Variants in SPRY3 observed in about 807,000 individuals in gnomAD.
The protein encoded by SPRY3 is protein sprouty homolog 3.
A neutral mutation model predicts 20.2 loss-of-function variants in SPRY3; 15 were observed. That is an observed-to-expected ratio of 0.74 (90% confidence interval 0.50 to 1.14). SPRY3 has a LOEUF of 1.14. Ranked by LOEUF, SPRY3 falls within the 50% of genes most tolerant of loss-of-function variation. The probability of loss-of-function intolerance (pLI) is 0.00; values close to 1 mark genes in which losing one functional copy is unlikely to be tolerated. For missense variants in SPRY3, 364 were observed against 363.9 expected, an observed-to-expected ratio of 1.00 and a Z score of 0.00; for synonymous variants, 143 against 136.5, an observed-to-expected ratio of 1.05 and a Z score of -0.33.
At chrX:155,741,574 G>A (rs2091204652) in intron 2 of SPRY3, among the ~76,000 whole-genome samples, 1 of 151,958 alleles carries the variant, frequency 6.6e-6, no homozygotes, top group East Asian at 1.9e-4. Flanking sequence ...AGGTCAAAAT[G>A]AGAGAAAAAA....
intron 3 of SPRY3, among the ~76,000 whole-genome samples, chrX:155,770,811 T>C (rs2091375897): frequency 6.6e-6 from 1 of 152,152 alleles, no homozygotes; most frequent in Admixed American, 6.5e-5. Context: ...TCTTGCCTGT[T>C]CCTTTCTCAA....
intron 2 of SPRY3, among the ~76,000 whole-genome samples, chrX:155,727,210 A>C (rs1204663535): frequency 6.6e-6 from 1 of 152,054 alleles, no homozygotes; most frequent in Admixed American, 6.6e-5. Context: ...GGGTAACCCA[A>C]CCTTTCTCTC....
chrX:155,728,487 G>A (rs372175763), intron 2 of SPRY3, among the ~76,000 whole-genome samples: 14 of 152,252 alleles, frequency 9.2e-5, no homozygotes, highest in African/African-American at 1.4e-4. Flanking sequence ...CTTCCCAGTC[G>A]CTTTGTTTAA....
At chrX:155,714,230 G>T (rs1285131835) in intron 2 of SPRY3, among the ~76,000 whole-genome samples, 1 of 152,080 alleles carries the variant, frequency 6.6e-6, no homozygotes, top group African/African-American at 2.4e-5. Context: ...ATGAGATTAT[G>T]TTTTCTTTTC....
chrX:155,672,533 T>G (rs1180432757), intron 2 of SPRY3, among the ~76,000 whole-genome samples: 1 of 111,080 alleles, frequency 9.0e-6, no homozygotes, highest in Non-Finnish European at 1.9e-5. Context: ...TCACGCCAGG[T>G]AGAATGGCAA....
intron 2 of SPRY3, among the ~76,000 whole-genome samples, chrX:155,730,937 G>A (rs1012175317): frequency 1.3e-5 from 2 of 150,990 alleles, no homozygotes; most frequent in African/African-American, 2.4e-5. Context: ...AATCAAATAC[G>A]TGAGATTTAG....
intron 1 of SPRY3, among the ~76,000 whole-genome samples, chrX:155,631,010 G>A (rs1557350452): frequency 9.1e-6 from 1 of 109,956 alleles, no homozygotes; most frequent in Non-Finnish European, 1.9e-5. Context: ...GGGGATTTGT[G>A]TGATGCTGAG....
chrX:155,708,355 C>T (rs1440850925), intron 2 of SPRY3, among the ~76,000 whole-genome samples: 1 of 151,382 alleles, frequency 6.6e-6, no homozygotes, highest in African/African-American at 2.4e-5. Flanking sequence ...TGCCTTCTGG[C>T]CTCCATTGAT....
At chrX:155,673,091 C>A (rs2068048194) in intron 2 of SPRY3, among the ~76,000 whole-genome samples, 1 of 82,221 alleles carries the variant, frequency 1.2e-5, no homozygotes, top group African/African-American at 4.3e-5. Context: ...GGAGGGATAG[C>A]ATTAGGAGAT....
At chrX:155,767,508 G>C (rs1004610186) in intron 2 of SPRY3, among the ~76,000 whole-genome samples, 1 of 151,670 alleles carries the variant, frequency 6.6e-6, no homozygotes, top group Admixed American at 6.6e-5. Context: ...TCATCTGTCA[G>C]ATTGGAGGAG....
downstream of SPRY3, chrX:155,779,103 G>A (rs1184090565): frequency 2.4e-5 from 4 of 167,022 alleles, no homozygotes; most frequent in Non-Finnish European, 5.9e-5. Flanking sequence ...GAGGAAAGGA[G>A]GTGAATTCAT....
chrX:155,624,544 C>G (rs1300272456), intron 1 of SPRY3, among the ~76,000 whole-genome samples: 1 of 109,923 alleles, frequency 9.1e-6, no homozygotes, highest in Non-Finnish European at 1.9e-5. Flanking sequence ...ATCTATCTAT[C>G]TATCTATCTA....
intron 2 of SPRY3, among the ~76,000 whole-genome samples, chrX:155,706,150 A>G (rs1439756030): frequency 6.6e-6 from 1 of 151,356 alleles, no homozygotes; most frequent in Non-Finnish European, 1.5e-5. Flanking sequence ...AAGAATATTC[A>G]TCATATAAAG....
intron 2 of SPRY3, among the ~76,000 whole-genome samples, chrX:155,752,627 A>C (rs2091268819): frequency 6.6e-6 from 1 of 151,840 alleles, no homozygotes; most frequent in African/African-American, 2.4e-5. Flanking sequence ...AGTTCTCAAA[A>C]TGAGACATAT....
chrX:155,717,532 T>C (rs1002978144), intron 2 of SPRY3, among the ~76,000 whole-genome samples: 4 of 152,016 alleles, frequency 2.6e-5, no homozygotes, highest in African/African-American at 9.7e-5. Flanking sequence ...CATTAGGTAT[T>C]TGTCCTAATG....
intron 2 of SPRY3, among the ~76,000 whole-genome samples, chrX:155,693,727 G>A (rs1343027129): frequency 8.9e-6 from 1 of 112,171 alleles, no homozygotes; most frequent in East Asian, 2.8e-4. Context: ...AGTTTAAAGT[G>A]TGCCATTTTG....
chrX:155,715,141 CAGA>C (rs922099749), intron 2 of SPRY3, among the ~76,000 whole-genome samples: 4 of 152,046 alleles, frequency 2.6e-5, no homozygotes, highest in East Asian at 1.9e-4. Flanking sequence ...TTTTCTCAAA[CAGA>C]AGGAGTCTTT....
At chrX:155,732,585 G>C (rs1238912837) in intron 2 of SPRY3, among the ~76,000 whole-genome samples, 1 of 151,998 alleles carries the variant, frequency 6.6e-6, no homozygotes, top group Non-Finnish European at 1.5e-5. Context: ...ATGGAAATCA[G>C]TTTGAGGTTC....
intron 2 of SPRY3, among the ~76,000 whole-genome samples, chrX:155,724,531 G>C (rs1417229394): frequency 1.3e-5 from 2 of 151,992 alleles, no homozygotes; most frequent in Non-Finnish European, 1.5e-5. Context: ...CTAGGATTCC[G>C]AAATTCCTAG....
Sources: allele counts gnomAD v4.1 joint callset (sites outside exome capture counted in the v4.1 genomes callset), GRCh38; gene constraint gnomAD v4.1.1; transcripts MANE v1.5; gene names NCBI Gene and HGNC (gene_info 2026-07-23, HGNC 2026-07-21).